The following PSD3 variants were observed in gnomAD, a reference collection of about 807,000 sequenced individuals.
PSD3 encodes pleckstrin and Sec7 domain containing 3, also known as PH and SEC7 domain-containing protein 3.
A neutral mutation model predicts 105.5 loss-of-function variants in PSD3; 49 were observed. The observed-to-expected ratio is 0.46, with a 90% CI of 0.37 to 0.59. The LOEUF is 0.59. Among genes scored for constraint, PSD3 ranks in the 20% least tolerant of loss-of-function variants. The pLI, the probability that PSD3 is intolerant of heterozygous loss-of-function variation, is 0.00. For synonymous variants in PSD3, 557 were observed against 457.8 expected (o/e 1.22, Z -2.77); for missense variants, 1,561 against 1,263.8 (o/e 1.24, Z -3.57).
rs1015648696 is a variant in PSD3, at chr8:18,535,655, T to TC, written c.*87_*88insG. On this transcript the variant is annotated 3_prime_UTR_variant, in exon 16 of 16. Coordinates refer to ENST00000327040, the MANE Select transcript of PSD3 (RefSeq NM_015310.4). ...TGCACCGTTTTGTCACAGACTTTTT[T>TC]TTTTTAAATATATTCACGGATTACC... 230 of 1,168,422 alleles carry TC rather than the reference T, an allele frequency of 2.0e-4. 1 individual carries two copies. The highest frequency in any genetic ancestry group is 4.4e-4 in the Admixed American group (20 of 45,284). 72.4% of individuals were successfully genotyped at this position (1,168,422 alleles called of 1,614,324 possible).
intron 4 of PSD3, among the ~76,000 whole-genome samples, chr8:18,841,295 C>G (rs776982773): frequency 5.9e-5 from 9 of 152,156 alleles, no homozygotes; most frequent in Non-Finnish European, 1.3e-4. Flanking sequence ...GTTGTGTATT[C>G]TCAGCGAGGG....
At chr8:18,768,436 A>T (rs1807216933) in intron 8 of PSD3, among the ~76,000 whole-genome samples, 1 of 152,096 alleles carries the variant, frequency 6.6e-6, no homozygotes, top group African/African-American at 2.4e-5. Context: ...CTCTCTAGAA[A>T]CAATATGAAA....
At chr8:19,004,779 A>T (rs1170702967) in intron 1 of PSD3, among the ~76,000 whole-genome samples, 2 of 151,946 alleles carry the variant, frequency 1.3e-5, no homozygotes. Context: ...TACCGGGGTG[A>T]GTCTTTCCAA....
intron 2 of PSD3, among the ~76,000 whole-genome samples, chr8:18,901,892 T>C (rs1459132784): frequency 1.3e-5 from 2 of 152,212 alleles, no homozygotes; most frequent in South Asian, 2.1e-4. Context: ...CAGAGAAATG[T>C]GCTATTAGTC....
intron 1 of PSD3, among the ~76,000 whole-genome samples, chr8:19,037,563 C>A (rs1395650056): frequency 6.6e-6 from 1 of 152,198 alleles, no homozygotes; most frequent in Non-Finnish European, 1.5e-5. Context: ...AATTGGTAGA[C>A]TGAGTACAGA....
chr8:19,065,769 G>C (rs115281357), intron 1 of PSD3, among the ~76,000 whole-genome samples: 4 of 152,072 alleles, frequency 2.6e-5, no homozygotes, highest in South Asian at 2.1e-4. Flanking sequence ...TTTTATGAAG[G>C]CTTCATTATA....
chr8:18,604,413 G>A (rs1804665065), intron 11 of PSD3, among the ~76,000 whole-genome samples: 1 of 152,162 alleles, frequency 6.6e-6, no homozygotes. Flanking sequence ...TGCTCAAGAT[G>A]TGGTCTGGCT....
rs1190338288 is a variant in PSD3 at position 18,871,972 on chromosome 8, G to T, written c.892C>A (p.His298Asn). The T allele has an allele frequency of 1.2e-6, 2 of 1,614,008 alleles. No homozygotes were observed. Among genetic ancestry groups the T allele is most frequent in the African/African-American group, 2.7e-5 (2 of 74,912 alleles). Residue 298 changes from histidine to asparagine, a missense_variant, in exon 3 of 16, where the codon CAT becomes AAT. Coordinates refer to ENST00000327040, the MANE Select transcript of PSD3 (RefSeq NM_015310.4). ...SSMGRPGRVK[H>N]VEFQGVEILW... is the part of the protein sequence containing the mutation. ...ATTTCCACTCCTTGAAATTCCACAT[G>T]TTTGACCCGGCCTGGGCGTCCCATG...
chr8:18,890,429 T>C (rs1270019048), intron 2 of PSD3, among the ~76,000 whole-genome samples: 1 of 152,152 alleles, frequency 6.6e-6, no homozygotes, highest in African/African-American at 2.4e-5. Flanking sequence ...GAAGATATTA[T>C]GTGAAATAAA....
intron 9 of PSD3, among the ~76,000 whole-genome samples, chr8:18,728,754 T>C (rs565293262): frequency 1.2e-4 from 19 of 152,114 alleles, no homozygotes; most frequent in Non-Finnish European, 1.9e-4. Context: ...CCAAAATGTA[T>C]ACAGATTTCA....
intron 8 of PSD3, among the ~76,000 whole-genome samples, chr8:18,787,972 G>C (rs953599513): frequency 6.6e-6 from 1 of 152,190 alleles, no homozygotes; most frequent in Non-Finnish European, 1.5e-5. Context: ...GGCTTTGCAA[G>C]TCATATATTC....
At chr8:19,074,609 A>ATTTT (rs1829394245) in intron 1 of PSD3, among the ~76,000 whole-genome samples, 3 of 12,190 alleles carry the variant, frequency 2.5e-4, no homozygotes, top group Admixed American at 1.7e-3. Context: ...ATATATATAT[A>ATTTT]TATTTTTTTT....
rs138779791 is a variant in PSD3, at chr8:18,884,604, G to C, written c.131-11871C>G. ...TAATGCTAAAGGCACAGATATTTAAGTTGTTTATGTGTTAGGAAAAAAATA... is the reference window on the plus strand; with the variant it reads ...TAATGCTAAAGGCACAGATATTTAACTTGTTTATGTGTTAGGAAAAAAATA... On this transcript the variant is annotated intron_variant, in intron 2 of 15. Transcript: ENST00000327040. 1.0e-3 allele frequency among the ~76,000 whole-genome samples: 154 copies of C among 150,846 alleles called. 2 individuals are homozygous for C. The highest frequency in any genetic ancestry group is 3.6e-3 in the African/African-American group (147 of 40,658).
intron 1 of PSD3, among the ~76,000 whole-genome samples, chr8:18,971,506 T>G (rs1224952084): frequency 6.6e-6 from 1 of 152,176 alleles, no homozygotes; most frequent in Non-Finnish European, 1.5e-5. Flanking sequence ...TGGGGCTGAT[T>G]GTGCTCAGAT....
At chr8:18,850,994 G>T (rs904605870) in intron 4 of PSD3, among the ~76,000 whole-genome samples, 28 of 152,142 alleles carry the variant, frequency 1.8e-4, no homozygotes, top group Non-Finnish European at 3.2e-4. Context: ...CTCCACAAAA[G>T]CGAGACAAAG....
chr8:18,739,680 T>A (rs1400369053), intron 9 of PSD3, among the ~76,000 whole-genome samples: 3 of 152,200 alleles, frequency 2.0e-5, no homozygotes, highest in African/African-American at 7.2e-5. Flanking sequence ...TAATTATAAA[T>A]CAACAACTTA....
intron 4 of PSD3, among the ~76,000 whole-genome samples, chr8:18,816,247 T>C (rs992964552): frequency 2.6e-5 from 4 of 152,234 alleles, no homozygotes; most frequent in African/African-American, 7.2e-5. Flanking sequence ...AAGCACTTTA[T>C]ACTAACTCAC....
intron 11 of PSD3, among the ~76,000 whole-genome samples, chr8:18,630,603 C>T (rs572278885): frequency 9.2e-5 from 14 of 151,838 alleles, no homozygotes; most frequent in Admixed American, 6.6e-5. Context: ...GTAAATACTC[C>T]GAATAAGTGA....
intron 12 of PSD3, among the ~76,000 whole-genome samples, chr8:18,596,045 T>C (rs1011928638): frequency 2.6e-5 from 4 of 151,822 alleles, no homozygotes; most frequent in Non-Finnish European, 4.4e-5. Flanking sequence ...ACTGAAATAA[T>C]ACCAAATATA....
Sources: gnomAD v4.1 joint callset for allele counts (sites outside exome capture counted in the v4.1 genomes callset) on GRCh38, gnomAD v4.1.1 for gene constraint, MANE v1.5 for transcripts, NCBI Gene and HGNC (gene_info 2026-07-23, HGNC 2026-07-21) for gene names.